CENPI: variants seen among roughly 807,000 people sequenced by gnomAD.
CENPI encodes centromere protein I.
CENPI carries 4 observed loss-of-function variants against 60.4 expected under a neutral mutation model. That is an observed-to-expected ratio of 0.07 (90% CI 0.03 to 0.15). The LOEUF (loss-of-function observed/expected upper bound fraction) is 0.15. Ranked by LOEUF, CENPI falls within the 10% of genes least tolerant of loss-of-function variation. CENPI has a pLI of 1.00. For synonymous variants in CENPI, 157 were observed against 189.4 expected (o/e 0.83, Z 1.40); for missense variants, 444 against 534.5 (o/e 0.83, Z 1.67).
At chrX:101,121,383 T>G (rs1175383289) in intron 8 of CENPI, among the ~76,000 whole-genome samples, 4 of 110,285 alleles carry the variant, frequency 3.6e-5, no homozygotes, top group Non-Finnish European at 5.7e-5. Flanking sequence ...CTCCGCCTCC[T>G]GGGTTCAAGC....
chrX:101,119,251 C>A (rs2089652645), intron 6 of CENPI, among the ~76,000 whole-genome samples: 1 of 112,167 alleles, frequency 8.9e-6, no homozygotes, highest in Admixed American at 9.5e-5. Flanking sequence ...TTTCTCAAAC[C>A]ATTTCTAAGT....
At chrX:101,128,993 G>A (rs960477564) in intron 12 of CENPI, among the ~76,000 whole-genome samples, 157 bp downstream of exon 12, 12 of 111,856 alleles carry the variant, frequency 1.1e-4, no homozygotes, top group African/African-American at 3.9e-4. Context: ...TTTTAAGGCA[G>A]TAAGAAGGTA....
intron 17 of CENPI, among the ~76,000 whole-genome samples, chrX:101,145,580 C>T (rs2089954851): frequency 9.2e-6 from 1 of 109,219 alleles, no homozygotes; most frequent in Admixed American, 9.8e-5. Flanking sequence ...TCTCTTGCTA[C>T]CTAGTACGCT....
At chrX:101,132,598 C>A in intron 15 of CENPI, 142 bp downstream of exon 15, 1 of 481,055 alleles carries the variant, frequency 2.1e-6, no homozygotes, top group Non-Finnish European at 3.4e-6. Context: ...CATCACTCAA[C>A]TCAAAGTTAA....
At chrX:101,140,516 G>T in intron 15 of CENPI, 150 bp from the exon 16 acceptor site, 1 of 468,064 alleles carries the variant, frequency 2.1e-6, no homozygotes, top group East Asian at 3.5e-5. Flanking sequence ...CTGTCTTCTG[G>T]AGACTAATCA....
chrX:101,162,473 A>AATAT lies in CENPI; in HGVS notation c.2137-344_2137-341dup, dbSNP rs1556409815. Among the ~76,000 whole-genome samples, 60 of 68,085 alleles carry AATAT rather than the reference A, an allele frequency of 8.8e-4. 2 individuals carry two copies. Among genetic ancestry groups the AATAT allele is most frequent in the South Asian group, 2.9e-3 (4 of 1,391 alleles). 59.1% of individuals were successfully genotyped at this position (68,085 alleles called of 115,157 possible). On this transcript the variant is annotated intron_variant, in intron 21 of 21. Transcript: ENST00000682095. The stretch of plus-strand genomic sequence containing the variant: ...CGTATCTCAAAAAAAAAAAAAAAAA[A>AATAT]ATATATATATATATATATAATTATC...
chrX:101,169,660 T>C (rs1450481900), downstream of CENPI, among the ~76,000 whole-genome samples: 1 of 111,988 alleles, frequency 8.9e-6, no homozygotes, highest in Admixed American at 9.5e-5. Context: ...TAAAACAACC[T>C]CAGGCAGGTC....
In CENPI at chrX:101,154,255, G is replaced by A. The variant is rs1438027266; in HGVS notation, c.2094+6094G>A. Among the ~76,000 whole-genome samples the A allele has an allele frequency of 2.7e-5, 3 of 111,289 alleles. No individual in the cohort carries two copies. In the South Asian group the frequency reaches 1.1e-3, roughly 42 times the overall value. ...CTTTGAAATTCCATATGAATTTTAG[G>A]ACCAGCTTATTAATTTCTATAAAGA... is the stretch of plus-strand genomic sequence containing the variant. On this transcript the variant is annotated intron_variant, in intron 20 of 21. Coordinates refer to ENST00000682095, the MANE Select transcript of CENPI (RefSeq NM_001386188.2).
the CENPI span, among the ~76,000 whole-genome samples, chrX:101,177,766 G>A: frequency 4.5e-5 from 5 of 112,160 alleles, no homozygotes; most frequent in South Asian, 1.8e-3. Context: ...CTTCACTGCT[G>A]GGGGCAGCAG....
At chrX:101,170,870 G>A (rs769622449), downstream of CENPI, among the ~76,000 whole-genome samples, 126 of 110,844 alleles carry the variant, frequency 1.1e-3, no homozygotes, top group African/African-American at 4.1e-3. Flanking sequence ...GGGCTCAAGC[G>A]ATCTGTGCGC....
intron 6 of CENPI, among the ~76,000 whole-genome samples, chrX:101,111,286 C>A (rs57559127): frequency 0.014 from 1,605 of 111,137 alleles, 39 homozygotes; most frequent in African/African-American, 0.05. Flanking sequence ...ATGTCCTAGA[C>A]AAGAAATTCT....
chrX:101,130,554 G>T (rs1326184895), intron 13 of CENPI, among the ~76,000 whole-genome samples: 2 of 112,227 alleles, frequency 1.8e-5, no homozygotes, highest in Non-Finnish European at 3.8e-5. Context: ...TGTTAGATTT[G>T]AAGAAAGAAT....
chrX:101,106,195 G>A (rs5967244), intron 4 of CENPI, among the ~76,000 whole-genome samples: 3 of 111,513 alleles, frequency 2.7e-5, no homozygotes, highest in African/African-American at 6.5e-5. Flanking sequence ...TTTAAATTTC[G>A]AAGAGTTAGT....
intron 15 of CENPI, among the ~76,000 whole-genome samples, chrX:101,133,576 A>G (rs925222498): frequency 9.1e-6 from 1 of 110,022 alleles, no homozygotes; most frequent in African/African-American, 3.3e-5. Flanking sequence ...AAGGGAACAG[A>G]CAGCAAGCTA....
chrX:101,129,408 C>T (rs761778957), intron 12 of CENPI, among the ~76,000 whole-genome samples: 1 of 109,629 alleles, frequency 9.1e-6, no homozygotes, highest in Non-Finnish European at 1.9e-5. Flanking sequence ...TGGGGAGGGG[C>T]GGGTATATTT....
chrX:101,156,960 C>A (rs967807468), intron 20 of CENPI, among the ~76,000 whole-genome samples: 2 of 111,342 alleles, frequency 1.8e-5, no homozygotes, highest in African/African-American at 6.5e-5. Flanking sequence ...CTGCTATAAA[C>A]ATGCATGCAC....
Position 101,102,662 on chromosome X carries a change from G to A in CENPI, c.364+251G>A, listed in dbSNP as rs753179635. The stretch of plus-strand genomic sequence containing the variant: ...AGGCTTGAGCCACCGCACCTGGCTC[G>A]AGGGGGATGTTGTTTTGTTTTTTGT... On this transcript the variant is annotated intron_variant, in intron 4 of 21. Coordinates refer to ENST00000682095, the MANE Select transcript of CENPI (RefSeq NM_001386188.2). Among the ~76,000 whole-genome samples the A allele has an allele frequency of 2.1e-4, 22 of 105,748 alleles. No individual in the cohort carries two copies. In the East Asian group the frequency reaches 2.4e-3, roughly 12 times the overall value. The allele number at this position is 105,748 out of a possible 115,157, so 91.8% of individuals were successfully genotyped here. A position where few individuals can be genotyped will look rare whatever the true frequency, so the allele number is the denominator to read the frequency against.
intron 4 of CENPI, among the ~76,000 whole-genome samples, chrX:101,104,928 G>C (rs1488413941): frequency 3.6e-5 from 4 of 110,568 alleles, no homozygotes; most frequent in Non-Finnish European, 5.7e-5. Flanking sequence ...CCTGGCTGTT[G>C]CATGTTAGAT....
chrX:101,114,005 C>T (rs112998716), intron 6 of CENPI, among the ~76,000 whole-genome samples: 1 of 111,912 alleles, frequency 8.9e-6, no homozygotes, highest in Non-Finnish European at 1.9e-5. Flanking sequence ...CTCTGTAATC[C>T]CAGCACTTCG....
Sources: allele counts gnomAD v4.1 joint callset (sites outside exome capture counted in the v4.1 genomes callset), GRCh38; gene constraint gnomAD v4.1.1; transcripts MANE v1.5; gene names NCBI Gene and HGNC (gene_info 2026-07-23, HGNC 2026-07-21).